PREX1: variants seen among roughly 807,000 people sequenced by gnomAD.
PREX1 encodes the protein phosphatidylinositol 3,4,5-trisphosphate-dependent Rac exchanger 1 protein.
PREX1 carries 41 observed loss-of-function variants against 198.3 expected under a neutral mutation model. That is an observed-to-expected ratio of 0.21 (90% CI 0.16 to 0.27). The LOEUF (loss-of-function observed/expected upper bound fraction) is 0.27, where lower values mean the gene tolerates loss of function less well. Among genes scored for constraint, PREX1 ranks in the 10% least tolerant of loss-of-function variants. PREX1 has a pLI of 1.00. For missense variants in PREX1, 1,620 were observed against 2,200.7 expected (o/e 0.74, Z 5.28); for synonymous variants, 843 against 887.2 (o/e 0.95, Z 0.89).
chr20:48,737,041 G>C (rs541647825), intron 3 of PREX1, among the ~76,000 whole-genome samples: 12 of 152,146 alleles, frequency 7.9e-5, no homozygotes, highest in South Asian at 4.2e-4. Context: ...GGATTGGCAG[G>C]TGAATTTATA....
intron 3 of PREX1, among the ~76,000 whole-genome samples, chr20:48,740,336 G>C (rs2090075449): frequency 6.6e-6 from 1 of 152,220 alleles, no homozygotes; most frequent in South Asian, 2.1e-4. Flanking sequence ...TGGGAGTGCT[G>C]GCTGACAATG....
At chr20:48,805,970 A>G (rs913192423) in intron 1 of PREX1, among the ~76,000 whole-genome samples, 2 of 152,220 alleles carry the variant, frequency 1.3e-5, no homozygotes, top group Admixed American at 6.5e-5. Flanking sequence ...TGTGCCAGAC[A>G]CTGCTCTAGA....
chr20:48,756,154 T>C (rs571697647), intron 1 of PREX1, among the ~76,000 whole-genome samples: 3 of 152,344 alleles, frequency 2.0e-5, no homozygotes, highest in South Asian at 2.1e-4. Context: ...CCTCCTTCTC[T>C]GAGTCAACTC....
At chr20:48,630,054 G>A (rs113749913) in intron 36 of PREX1, among the ~76,000 whole-genome samples, 3 of 152,190 alleles carry the variant, frequency 2.0e-5, no homozygotes, top group South Asian at 2.1e-4. Flanking sequence ...GCTGTGCTGC[G>A]GGGACATTCT....
At chr20:48,652,217 A>G (rs528209078) in intron 21 of PREX1, among the ~76,000 whole-genome samples, 1 of 152,294 alleles carries the variant, frequency 6.6e-6, no homozygotes, top group South Asian at 2.1e-4. Flanking sequence ...AGATTGCTTC[A>G]GCCCAGGAGT....
rs147630869 is a variant in PREX1, at chr20:48,761,244, C to T, written c.220-13364G>A. On this transcript the variant is annotated intron_variant, in intron 1 of 39. Coordinates refer to ENST00000371941, the MANE Select transcript of PREX1 (RefSeq NM_020820.4). ...GACAATCCTATCGAAAACGTCTATC[C>T]CTGCTCTGTTTTCCTCACAGCACCT... Among the ~76,000 whole-genome samples the T allele has an allele frequency of 3.9e-5, 6 of 152,294 alleles. No homozygotes were observed. The East Asian group carries it at 1.2e-3, about 29-fold the overall frequency.
chr20:48,784,122 G>A (rs1212077634), intron 1 of PREX1, among the ~76,000 whole-genome samples: 4 of 152,128 alleles, frequency 2.6e-5, no homozygotes, highest in Non-Finnish European at 4.4e-5. Flanking sequence ...TGAGAGTGAA[G>A]AAAGCCCAGG....
chr20:48,873,980 C>A, the PREX1 span, among the ~76,000 whole-genome samples: 1 of 152,028 alleles, frequency 6.6e-6, no homozygotes, highest in Non-Finnish European at 1.5e-5. Context: ...ACCTCCTGGG[C>A]TCAAGCAATC....
intron 1 of PREX1, among the ~76,000 whole-genome samples, chr20:48,770,416 G>A (rs1184416279): frequency 6.6e-6 from 1 of 152,128 alleles, no homozygotes. Context: ...TGACAAACAG[G>A]CAAGATCTGG....
chr20:48,763,492 G>A (rs544471338), intron 1 of PREX1, among the ~76,000 whole-genome samples: 115 of 152,296 alleles, frequency 7.6e-4, no homozygotes, highest in Middle Eastern at 3.4e-3. Flanking sequence ...AGTGGAATGC[G>A]GTCTCCTCTC....
intron 5 of PREX1, among the ~76,000 whole-genome samples, chr20:48,720,778 G>A (rs1017654661): frequency 1.3e-4 from 20 of 151,814 alleles, no homozygotes; most frequent in Admixed American, 3.3e-4. Context: ...TCCCAGGAGC[G>A]CGGACCTCAG....
At chr20:48,733,014 G>A (rs1414202792) in intron 4 of PREX1, among the ~76,000 whole-genome samples, 1 of 152,204 alleles carries the variant, frequency 6.6e-6, no homozygotes, top group Non-Finnish European at 1.5e-5. Flanking sequence ...TAACAAGAGG[G>A]AGAAATAAGA....
intron 1 of PREX1, among the ~76,000 whole-genome samples, chr20:48,754,322 C>A (rs574228067): frequency 1.3e-5 from 2 of 152,278 alleles, no homozygotes; most frequent in East Asian, 3.9e-4. Context: ...TAAAGCCACA[C>A]GGCTGGCAAG....
intron 5 of PREX1, among the ~76,000 whole-genome samples, chr20:48,709,375 T>A (rs1390029431): frequency 6.6e-6 from 1 of 152,230 alleles, no homozygotes; most frequent in Non-Finnish European, 1.5e-5. Flanking sequence ...CACTCTTGCA[T>A]CGTAGTTACG....
At chr20:48,685,275 T>C (rs979759742) in intron 10 of PREX1, among the ~76,000 whole-genome samples, 4 of 152,240 alleles carry the variant, frequency 2.6e-5, no homozygotes, top group Non-Finnish European at 5.9e-5. Flanking sequence ...GCACAGGCCA[T>C]GCTCCTCCCA....
chr20:48,697,452 C>T (rs1468127136), intron 7 of PREX1, among the ~76,000 whole-genome samples: 1 of 151,568 alleles, frequency 6.6e-6, no homozygotes, highest in African/African-American at 2.4e-5. Context: ...GCCACCTCAG[C>T]TCACTGCAAC....
At position 48,727,608 on chromosome 20, in the gene PREX1, G is replaced by A. The variant is rs138196250; in HGVS notation, c.520-1217C>T. ...TTCTCATCTCACAGCTTAGATCCCT[G>A]GGGTGTGAGAGGTTTAGTCTTTTAC... On this transcript the variant is annotated intron_variant, in intron 4 of 39. Transcript: ENST00000371941. Among the ~76,000 whole-genome samples, 138 of 152,154 alleles carry A rather than the reference G, an allele frequency of 9.1e-4. 1 individual carries two copies. Among genetic ancestry groups the A allele is most frequent in the Non-Finnish European group, 1.6e-3 (109 of 68,004 alleles).
chr20:48,643,873 C>T (rs368000002), intron 27 of PREX1, among the ~76,000 whole-genome samples: 22 of 152,294 alleles, frequency 1.4e-4, no homozygotes, highest in African/African-American at 5.3e-4. Context: ...GACGGGGTTT[C>T]ACCATGTTGG....
the PREX1 span, among the ~76,000 whole-genome samples, chr20:48,875,156 G>C: frequency 6.6e-6 from 1 of 152,198 alleles, no homozygotes; most frequent in Non-Finnish European, 1.5e-5. Flanking sequence ...GGTGTGACAT[G>C]AGTGTGCGCT....
Sources: allele counts gnomAD v4.1 joint callset (sites outside exome capture counted in the v4.1 genomes callset), GRCh38; gene constraint gnomAD v4.1.1; transcripts MANE v1.5; gene names NCBI Gene and HGNC (gene_info 2026-07-23, HGNC 2026-07-21).